The following ABLIM3 variants were observed in gnomAD, a reference collection of about 807,000 sequenced individuals.
The protein encoded by ABLIM3 is actin-binding LIM protein 3.
In ABLIM3, 61 loss-of-function variants were observed where a neutral mutation model predicts 109.5. That is an observed-to-expected ratio of 0.56 (90% CI 0.45 to 0.69). The LOEUF is 0.69. ABLIM3 is among the 30% of genes least tolerant of loss of function. The pLI, the probability that ABLIM3 is intolerant of heterozygous loss-of-function variation, is 0.00. For synonymous variants in ABLIM3, 300 were observed against 324.8 expected (o/e 0.92, Z 0.82); for missense variants, 796 against 889.5 (o/e 0.89, Z 1.34).
intron 9 of ABLIM3, among the ~76,000 whole-genome samples, chr5:149,231,487 T>C (rs1317327420): frequency 6.6e-6 from 1 of 152,192 alleles, no homozygotes; most frequent in Non-Finnish European, 1.5e-5. Flanking sequence ...TGGGACTCTA[T>C]TGTGTTACCT....
intron 22 of ABLIM3, 135 bp from the exon 23 acceptor site, chr5:149,252,622 C>A: frequency 4.2e-6 from 3 of 707,518 alleles, no homozygotes; most frequent in South Asian, 1.8e-5. Flanking sequence ...CCAAGAAGGG[C>A]AGATCCAGCT....
chr5:149,247,481 G>A (rs1753493755), intron 17 of ABLIM3, among the ~76,000 whole-genome samples: 1 of 152,192 alleles, frequency 6.6e-6, no homozygotes, highest in Non-Finnish European at 1.5e-5. Context: ...AAAGAAAAAG[G>A]TGGCTATCTG....
intron 13 of ABLIM3, chr5:149,240,451 C>A (rs1752696324): frequency 1.7e-6 from 1 of 579,736 alleles, no homozygotes; most frequent in Admixed American, 3.0e-5. Context: ...CTCACAAAAT[C>A]TGACTTTGGG....
intron 2 of ABLIM3, among the ~76,000 whole-genome samples, chr5:149,149,398 G>A (rs1753222988): frequency 6.6e-6 from 1 of 152,206 alleles, no homozygotes; most frequent in African/African-American, 2.4e-5. Flanking sequence ...CAAAGTTCTG[G>A]AAAGATGGTG....
chr5:149,248,689 C>CAA (rs10659679), intron 18 of ABLIM3, among the ~76,000 whole-genome samples: 37,987 of 78,492 alleles, frequency 0.48, 8,353 homozygotes, highest in East Asian at 0.58. Flanking sequence ...GACTCTCTCT[C>CAA]AAAAAAAAAA....
In ABLIM3 at chr5:149,258,633, T is replaced by C; in HGVS notation, c.*229T>C. The C allele has an allele frequency of 7.9e-7, 1 of 1,264,532 alleles. No homozygotes were observed. Among genetic ancestry groups the C allele is most frequent in the Non-Finnish European group, 9.9e-7 (1 of 1,005,254 alleles). The allele number at this position is 1,264,532 out of a possible 1,614,324, so 78.3% of individuals were successfully genotyped here. On this transcript the variant is annotated 3_prime_UTR_variant, in exon 24 of 24. Coordinates refer to ENST00000309868, the MANE Select transcript of ABLIM3 (RefSeq NM_014945.5). ...AGGGATTTGAGGGGACTCTGTCCTT[T>C]TATTGGGGATCCTTTTTATACTGAA...
chr5:149,251,338 G>A (rs757715180), intron 20 of ABLIM3, 21 bp from the exon 21 acceptor site: 153 of 1,613,812 alleles, frequency 9.5e-5, no homozygotes, highest in African/African-American at 1.7e-4. Flanking sequence ...CAGGCCAGCC[G>A]TGGTTCTGTC....
intron 3 of ABLIM3, among the ~76,000 whole-genome samples, chr5:149,185,323 C>A (rs1263731289): frequency 6.6e-6 from 1 of 152,116 alleles, no homozygotes; most frequent in African/African-American, 2.4e-5. Flanking sequence ...GCTTTTCATC[C>A]TCCAATGGGC....
intron 13 of ABLIM3, chr5:149,240,348 G>A (rs1381820530): frequency 2.4e-6 from 1 of 410,418 alleles, no homozygotes; most frequent in Admixed American, 3.8e-5. Flanking sequence ...AATTAAGGGA[G>A]CGTCCAAAAG....
Position 149,198,352 on chromosome 5 carries a change from G to A in ABLIM3, c.285G>A (p.Ser95=), listed in dbSNP as rs770441625. 1.1e-5 allele frequency: 17 copies of A among 1,613,922 alleles called. No individual in the cohort carries two copies. The highest frequency in any genetic ancestry group is 6.7e-5 in the African/African-American group (5 of 74,936). ...CRDFITGEVI[S]ALGRTYHPKC... is the part of the protein sequence containing the mutation. The stretch of plus-strand genomic sequence containing the variant: ...ACTTCATCACAGGCGAAGTCATCTC[G>A]GCCCTGGGCCGCACTTACCACCCCA... The change falls in exon 4 of 24, where the codon TCG becomes TCA. Residue 95 remains serine (S), a synonymous_variant. Transcript: ENST00000309868. The surrounding 1 kb of genome is among the most constrained non-coding windows in gnomAD (Gnocchi z 4.2).
chr5:149,150,560 G>T (rs530439356), intron 2 of ABLIM3, among the ~76,000 whole-genome samples: 16 of 152,238 alleles, frequency 1.1e-4, no homozygotes, highest in African/African-American at 3.9e-4. Context: ...CTTGGATTGC[G>T]TAAAGGAAGT....
chr5:149,176,043 A>G (rs1489240020), intron 2 of ABLIM3, among the ~76,000 whole-genome samples: 1 of 152,192 alleles, frequency 6.6e-6, no homozygotes, highest in East Asian at 1.9e-4. Context: ...ACCTGCTGAC[A>G]TGGGAAACTG....
At position 149,259,634 on chromosome 5, in the gene ABLIM3, G is replaced by T. The variant is rs977044142; in HGVS notation, c.*1230G>T. 8.6e-6 allele frequency: 13 copies of T among 1,514,720 alleles called. No individual in the cohort carries two copies. Among genetic ancestry groups the T allele is most frequent in the East Asian group, 2.5e-5 (1 of 40,814 alleles). The allele number at this position is 1,514,720 out of a possible 1,614,324, so 93.8% of individuals were successfully genotyped here. On this transcript the variant is annotated 3_prime_UTR_variant, in exon 24 of 24. Transcript: ENST00000309868. ...ATGGCCATCCTGGATTTTCCCAGTG[G>T]CTTCCCTTCCTGCTCGCCTCCCTGA...
At chr5:149,163,053 G>A (rs1413397195) in intron 2 of ABLIM3, among the ~76,000 whole-genome samples, 1 of 152,254 alleles carries the variant, frequency 6.6e-6, no homozygotes, top group East Asian at 1.9e-4. Flanking sequence ...GCCAACAGGG[G>A]CCAGAACACA....
intron 2 of ABLIM3, among the ~76,000 whole-genome samples, chr5:149,183,020 A>G (rs1756595322): frequency 6.6e-6 from 1 of 152,222 alleles, no homozygotes; most frequent in African/African-American, 2.4e-5. Flanking sequence ...TTCAAAAGCC[A>G]TTTGGAGGCA....
At chr5:149,161,423 A>T (rs1754354405) in intron 2 of ABLIM3, among the ~76,000 whole-genome samples, 1 of 152,078 alleles carries the variant, frequency 6.6e-6, no homozygotes, top group Non-Finnish European at 1.5e-5. Flanking sequence ...TCTCTCTTGA[A>T]ATCTGTATTC....
At chr5:149,248,762 C>T (rs1354383643) in intron 18 of ABLIM3, among the ~76,000 whole-genome samples, 2 of 151,380 alleles carry the variant, frequency 1.3e-5, no homozygotes, top group African/African-American at 4.9e-5. Context: ...GGGATGGCCT[C>T]CTGAGGTAGT....
chr5:149,200,377 T>C lies in ABLIM3; in HGVS notation c.397T>C (p.Cys133Arg). The change falls in exon 5 of 24, where the codon TGC becomes CGC. Residue 133 changes from cysteine to arginine, a missense_variant. Coordinates refer to ENST00000309868, the MANE Select transcript of ABLIM3 (RefSeq NM_014945.5). ...FSGKECVCQT[C>R]SQSMASSKPI... ...CGGTAAAGAATGTGTGTGCCAAACGTGCTCCCAGTCCATGGCCAGCAGTAA... is the reference window on the plus strand; with the variant it reads ...CGGTAAAGAATGTGTGTGCCAAACGCGCTCCCAGTCCATGGCCAGCAGTAA... 1.2e-6 allele frequency: 2 copies of C among 1,614,212 alleles called. No homozygotes were observed. Among genetic ancestry groups the C allele is most frequent in the Non-Finnish European group, 1.7e-6 (2 of 1,180,030 alleles).
At chr5:149,163,700 G>C (rs970988566) in intron 2 of ABLIM3, among the ~76,000 whole-genome samples, 1 of 152,056 alleles carries the variant, frequency 6.6e-6, no homozygotes, top group Non-Finnish European at 1.5e-5. Flanking sequence ...AAACCCTATT[G>C]CCAAATAAAG....
Sources: allele counts gnomAD v4.1 joint callset (sites outside exome capture counted in the v4.1 genomes callset), GRCh38; gene constraint gnomAD v4.1.1; non-coding constraint Gnocchi (gnomAD v3.1); transcripts MANE v1.5; gene names NCBI Gene and HGNC (gene_info 2026-07-23, HGNC 2026-07-21).